SHANK2: variants seen among roughly 807,000 people sequenced by gnomAD.
The protein encoded by SHANK2 is SH3 and multiple ankyrin repeat domains protein 2.
A neutral mutation model predicts 133.7 loss-of-function variants in SHANK2; 43 were observed. The ratio of observed to expected loss-of-function variants is 0.32; its 90% CI spans 0.25 to 0.41. The LOEUF is 0.41. Ranked by LOEUF, SHANK2 falls within the 10% of genes least tolerant of loss-of-function variation. The pLI is 1.00. For missense variants in SHANK2, 1,994 were observed against 2,235.8 expected (o/e 0.89, Z 2.18); for synonymous variants, 1,017 against 952.8 (o/e 1.07, Z -1.24).
intron 11 of SHANK2, among the ~76,000 whole-genome samples, chr11:70,860,740 C>A (rs1049431112): frequency 6.6e-6 from 1 of 152,176 alleles, no homozygotes; most frequent in Non-Finnish European, 1.5e-5. Flanking sequence ...AGGGGCCTGG[C>A]GCGATGGCTC....
intron 10 of SHANK2, among the ~76,000 whole-genome samples, chr11:70,910,507 C>T (rs1040498375): frequency 5.9e-5 from 9 of 152,072 alleles, no homozygotes; most frequent in East Asian, 1.9e-4. Context: ...TCACACCCAC[C>T]GAAAAAGTTG....
chr11:71,201,369 T>C (rs1954016563), intron 2 of SHANK2, among the ~76,000 whole-genome samples: 1 of 152,242 alleles, frequency 6.6e-6, no homozygotes, highest in African/African-American at 2.4e-5. Context: ...TCAGGAGAGC[T>C]GTGCTGCCCA....
chr11:70,605,310 C>T (rs1161348208), intron 17 of SHANK2, among the ~76,000 whole-genome samples: 2 of 152,384 alleles, frequency 1.3e-5, no homozygotes, highest in East Asian at 1.9e-4. Flanking sequence ...CCTCCTGCAG[C>T]CCAGCCCGGA....
intron 14 of SHANK2, among the ~76,000 whole-genome samples, chr11:70,725,776 C>T (rs782698817): frequency 5.9e-5 from 9 of 152,144 alleles, no homozygotes; most frequent in Admixed American, 2.0e-4. Flanking sequence ...ATGGATGACC[C>T]GGTAGACCTC....
chr11:70,473,993 T>C lies in SHANK2; in HGVS notation c.4980-554A>G, dbSNP rs1489510068. On this transcript the variant is annotated intron_variant, in intron 25 of 25. Coordinates refer to ENST00000601538, the MANE Select transcript of SHANK2 (RefSeq NM_012309.5). The surrounding 1 kb of genome is among the most constrained non-coding windows in gnomAD (Gnocchi z 5.9). ...GGCAGCCTTAGGCTTTTTGGGTAAATGGACAAGAGCAGGGCAGGATCCTTC... is the reference window on the plus strand; with the variant it reads ...GGCAGCCTTAGGCTTTTTGGGTAAACGGACAAGAGCAGGGCAGGATCCTTC... The C allele has an allele frequency of 3.9e-5, 8 of 207,442 alleles. No individual in the cohort carries two copies. In the Admixed American group the frequency reaches 4.1e-4, roughly 11 times the overall value. The allele number at this position is 207,442 out of a possible 1,614,324, so 12.9% of individuals were successfully genotyped here. A position where few individuals can be genotyped will look rare whatever the true frequency, so the allele number is the denominator to read the frequency against.
intron 10 of SHANK2, among the ~76,000 whole-genome samples, chr11:70,917,364 A>C (rs1950285037): frequency 6.6e-6 from 1 of 152,234 alleles, no homozygotes; most frequent in Non-Finnish European, 1.5e-5. Flanking sequence ...AAAAGACAAC[A>C]GATGCTGGTG....
intron 14 of SHANK2, among the ~76,000 whole-genome samples, chr11:70,796,538 C>T (rs1947919183): frequency 6.6e-6 from 1 of 152,170 alleles, no homozygotes; most frequent in Non-Finnish European, 1.5e-5. Context: ...AGAAGGAAGG[C>T]ATTGAGCAAC....
Position 70,724,398 on chromosome 11 carries a change from T to C in SHANK2, c.1778-25635A>G, listed in dbSNP as rs1783609. Among the ~76,000 whole-genome samples, 383 of 152,264 alleles carry C rather than the reference T, an allele frequency of 2.5e-3. 2 individuals carry two copies. The highest frequency in any genetic ancestry group is 8.7e-3 in the African/African-American group (363 of 41,570). Reference sequence around the variant, plus strand: ...ACCATCTGTGCAGCAGGTTTTGTTGTGGTGGTGGGGTGTGTGTGTATGCAT... The same window carrying C: ...ACCATCTGTGCAGCAGGTTTTGTTGCGGTGGTGGGGTGTGTGTGTATGCAT... On this transcript the variant is annotated intron_variant, in intron 14 of 25. Coordinates refer to ENST00000601538, the MANE Select transcript of SHANK2 (RefSeq NM_012309.5).
intron 2 of SHANK2, among the ~76,000 whole-genome samples, chr11:71,200,004 A>G (rs899792903): frequency 1.3e-5 from 2 of 152,254 alleles, no homozygotes; most frequent in South Asian, 4.1e-4. Context: ...TAAAATTCAC[A>G]TAACATAGAA....
intron 8 of SHANK2, among the ~76,000 whole-genome samples, chr11:71,077,433 C>A (rs1188774223): frequency 3.3e-5 from 5 of 152,156 alleles, no homozygotes; most frequent in Non-Finnish European, 7.3e-5. Context: ...TGAAACGGAA[C>A]CGCTGACTCC....
chr11:70,575,924 C>T (rs1217989006), intron 17 of SHANK2, among the ~76,000 whole-genome samples: 12 of 151,822 alleles, frequency 7.9e-5, no homozygotes, highest in African/African-American at 2.4e-4. Context: ...TCCCCTGGGC[C>T]GTGCTGCAGC....
intron 6 of SHANK2, among the ~76,000 whole-genome samples, chr11:71,103,620 AC>A (rs1201058688): frequency 6.6e-6 from 1 of 152,126 alleles, no homozygotes; most frequent in Non-Finnish European, 1.5e-5. Context: ...ACGCTTAACC[AC>A]TGATATGGTT....
intron 10 of SHANK2, among the ~76,000 whole-genome samples, chr11:70,924,013 A>G (rs2135772085): frequency 6.6e-6 from 1 of 152,312 alleles, no homozygotes; most frequent in Admixed American, 6.5e-5. Flanking sequence ...GTGTCTGCTC[A>G]GGGGGAGGCA....
chr11:70,721,883 A>G (rs1415628577), intron 14 of SHANK2, among the ~76,000 whole-genome samples: 2 of 152,256 alleles, frequency 1.3e-5, no homozygotes, highest in African/African-American at 4.8e-5. Context: ...TGACTTCAAC[A>G]TCAAGGGAAG....
intron 11 of SHANK2, among the ~76,000 whole-genome samples, chr11:70,868,810 C>A (rs1415737553): frequency 6.6e-6 from 1 of 152,200 alleles, no homozygotes; most frequent in Admixed American, 6.5e-5. Flanking sequence ...CCATTCTCTT[C>A]CACAAACCTG....
At chr11:70,750,576 T>C (rs1233738102) in intron 14 of SHANK2, among the ~76,000 whole-genome samples, 2 of 152,076 alleles carry the variant, frequency 1.3e-5, no homozygotes, top group African/African-American at 4.8e-5. Context: ...AGAAGCCTGA[T>C]AAAGGGGTCT....
At chr11:71,073,174 T>TTTTTTTTTTTTTTTTTTTTTTTTTTTC (rs1951171472) in intron 9 of SHANK2, among the ~76,000 whole-genome samples, 1 of 117,514 alleles carries the variant, frequency 8.5e-6, no homozygotes, top group Non-Finnish European at 2.0e-5. Flanking sequence ...TCTTTTTTTT[T>TTTTTTTTTTTTTTTTTTTTTTTTTTTC]TTGAGATAGA....
At chr11:70,570,196 G>A (rs2060028616) in intron 17 of SHANK2, among the ~76,000 whole-genome samples, 2 of 152,218 alleles carry the variant, frequency 1.3e-5, no homozygotes, top group African/African-American at 2.4e-5. Flanking sequence ...AGGTTTGGCT[G>A]GCGGCCACGC....
chr11:71,111,096 A>G (rs1226327192), intron 5 of SHANK2, among the ~76,000 whole-genome samples: 1 of 152,182 alleles, frequency 6.6e-6, no homozygotes, highest in Non-Finnish European at 1.5e-5. Context: ...AAATGGTGAG[A>G]GTCACACTTT....
Sources: gnomAD v4.1 joint callset for allele counts (sites outside exome capture counted in the v4.1 genomes callset) on GRCh38, gnomAD v4.1.1 for gene constraint, Gnocchi (gnomAD v3.1) non-coding constraint, MANE v1.5 for transcripts, NCBI Gene and HGNC (gene_info 2026-07-23, HGNC 2026-07-21) for gene names.